The following UGT2A1 variants were observed in gnomAD, a reference collection of about 807,000 sequenced individuals.
UGT2A1 encodes the protein UDP glucuronosyltransferase family 2 member A1 complex locus.
In UGT2A1, 61 loss-of-function variants were observed where a neutral mutation model predicts 45.4. The ratio of observed to expected loss-of-function variants is 1.34; its 90% CI spans 1.09 to 1.66. The LOEUF (loss-of-function observed/expected upper bound fraction) is 1.66, where lower values mean the gene tolerates loss of function less well. UGT2A1 is among the 40% of genes most tolerant of loss of function. UGT2A1 has a pLI of 0.00. For missense variants in UGT2A1, 649 were observed against 574.3 expected (o/e 1.13, Z -1.33); for synonymous variants, 229 against 196.2 (o/e 1.17, Z -1.40).
At chr4:69,635,847 A>AAAAAAAT (rs1351077445) in intron 2 of UGT2A1, 25 bp from the exon 3 acceptor site, 1 of 136,890 alleles carries the variant, frequency 7.3e-6, no homozygotes, top group South Asian at 1.9e-4. Flanking sequence ...AAAAAAAAAA[A>AAAAAAAT]AAAGAGAGAG....
intron 3 of UGT2A1, 108 bp from the exon 4 acceptor site, chr4:69,599,502 T>G: frequency 6.7e-7 from 1 of 1,487,026 alleles, no homozygotes; most frequent in Non-Finnish European, 9.0e-7. Flanking sequence ...AAAAACTGAA[T>G]TAGGTCTTCT....
At chr4:69,591,684 G>T (rs1264041684) in intron 6 of UGT2A1, among the ~76,000 whole-genome samples, 1 of 152,086 alleles carries the variant, frequency 6.6e-6, no homozygotes, top group Non-Finnish European at 1.5e-5. Flanking sequence ...AGTCCATTTG[G>T]ATGGTTGGGT....
chr4:69,640,348 G>A (rs184152477), intron 2 of UGT2A1, among the ~76,000 whole-genome samples: 3 of 152,044 alleles, frequency 2.0e-5, no homozygotes, highest in Admixed American at 1.3e-4. Flanking sequence ...AATAGTATCT[G>A]TAAAGCTACT....
At chr4:69,623,828 G>A (rs948269729) in intron 3 of UGT2A1, among the ~76,000 whole-genome samples, 2 of 151,366 alleles carry the variant, frequency 1.3e-5, no homozygotes, top group Non-Finnish European at 3.0e-5. Context: ...AGATTCATTT[G>A]AAAGTAAATT....
chr4:69,591,031 G>T (rs1718568174), intron 6 of UGT2A1, among the ~76,000 whole-genome samples: 1 of 151,944 alleles, frequency 6.6e-6, no homozygotes. Context: ...TTTGGTTTAG[G>T]GTTAAAGTGA....
chr4:69,606,039 T>C (rs1287055436), intron 3 of UGT2A1, among the ~76,000 whole-genome samples: 1 of 136,080 alleles, frequency 7.3e-6, no homozygotes, highest in Non-Finnish European at 1.6e-5. Flanking sequence ...TTCCAAGCAA[T>C]AGAAAAAGAG....
At chr4:69,642,882 A>G (rs1171753473) in intron 2 of UGT2A1, among the ~76,000 whole-genome samples, 2 of 151,638 alleles carry the variant, frequency 1.3e-5, no homozygotes, top group East Asian at 1.9e-4. Flanking sequence ...CTTATGGATT[A>G]TAAGTATTTT....
chr4:69,642,878 G>C (rs1722106164), intron 2 of UGT2A1, among the ~76,000 whole-genome samples: 1 of 151,302 alleles, frequency 6.6e-6, no homozygotes. Context: ...AATGCTTATG[G>C]ATTATAAGTA....
In UGT2A1 at chr4:69,647,600, T is replaced by G; in HGVS notation, c.45A>C (p.Ile15=). Reference sequence around the variant, plus strand: ...AAACATTCCCACCAAGAGTGGTTCCTATGAGACTTATCTGAAGGGAGAACA... The same window carrying G: ...AAACATTCCCACCAAGAGTGGTTCCGATGAGACTTATCTGAAGGGAGAACA... The part of the protein sequence containing the change: ...LLLFSLQISL[I]GTTLGGNVLI... The change falls in exon 2 of 7, where the codon ATA becomes ATC. Residue 15 remains isoleucine (I), a synonymous_variant. Coordinates refer to ENST00000286604, the MANE Select transcript of UGT2A1 (RefSeq NM_001252275.3). The G allele has an allele frequency of 6.2e-7, 1 of 1,605,038 alleles. No homozygotes were observed. The highest frequency in any genetic ancestry group is 8.5e-7 in the Non-Finnish European group (1 of 1,175,928).
chr4:69,593,649 T>A (rs565438312), intron 6 of UGT2A1, among the ~76,000 whole-genome samples: 15 of 151,720 alleles, frequency 9.9e-5, no homozygotes, highest in African/African-American at 3.6e-4. Context: ...GATAAAATTA[T>A]ACTTAAATTT....
chr4:69,632,472 C>A (rs1002051954), intron 3 of UGT2A1, among the ~76,000 whole-genome samples: 3 of 152,076 alleles, frequency 2.0e-5, no homozygotes, highest in African/African-American at 7.2e-5. Context: ...TCATTTAGGC[C>A]AAAAGAGCAT....
At chr4:69,650,887 T>C (rs575287662) in intron 1 of UGT2A1, among the ~76,000 whole-genome samples, 10 of 152,146 alleles carry the variant, frequency 6.6e-5, no homozygotes, top group South Asian at 2.1e-4. Flanking sequence ...AAAGTCTTCA[T>C]GAAAGGTATG....
At chr4:69,614,695 AG>A (rs1207658500) in intron 3 of UGT2A1, among the ~76,000 whole-genome samples, 2 of 152,098 alleles carry the variant, frequency 1.3e-5, no homozygotes, top group Admixed American at 1.3e-4. Context: ...CTTTCAACAA[AG>A]CTGCCAAATA....
intron 6 of UGT2A1, among the ~76,000 whole-genome samples, chr4:69,593,852 T>C (rs1469369668): frequency 6.6e-6 from 1 of 151,876 alleles, no homozygotes; most frequent in Non-Finnish European, 1.5e-5. Context: ...TAGTTTATAA[T>C]ATGTACATAC....
At chr4:69,623,771 A>G (rs1577982127) in intron 3 of UGT2A1, among the ~76,000 whole-genome samples, 1 of 151,600 alleles carries the variant, frequency 6.6e-6, no homozygotes, top group South Asian at 2.1e-4. Context: ...ATTTAAATAA[A>G]ACCTTTGAGA....
chr4:69,651,439 C>T (rs1207912736), intron 1 of UGT2A1, among the ~76,000 whole-genome samples: 1 of 152,052 alleles, frequency 6.6e-6, no homozygotes, highest in African/African-American at 2.4e-5. Flanking sequence ...AATATGATTA[C>T]TATATTTGTG....
At chr4:69,640,232 T>A (rs1445565533) in intron 2 of UGT2A1, among the ~76,000 whole-genome samples, 1 of 151,964 alleles carries the variant, frequency 6.6e-6, no homozygotes, top group Non-Finnish European at 1.5e-5. Flanking sequence ...TGTCCTTTTA[T>A]AAGATTTCTG....
chr4:69,646,977 A>C lies in UGT2A1; in HGVS notation c.668T>G (p.Phe223Cys). ...FISYHLQDYM[F>C]ETLWKSWDSY... The stretch of plus-strand genomic sequence containing the variant: ...ATCCCATGATTTCCAAAGAGTTTCA[A>C]ACATGTAGTCCTGTAGGTGGTAGGA... The change falls in exon 2 of 7, where the codon TTT becomes TGT. Residue 223 changes from phenylalanine to cysteine, a missense_variant. Physicochemically the swap from Phe to Cys is radical, Grantham distance 205 (BLOSUM62 -2). Transcript: ENST00000286604. 2 of 1,606,230 alleles carry C rather than the reference A, an allele frequency of 1.2e-6. No homozygotes were observed. Among genetic ancestry groups the C allele is most frequent in the Non-Finnish European group, 8.5e-7 (1 of 1,176,980 alleles).
At chr4:69,646,776 G>A (rs1722278702) in intron 2 of UGT2A1, among the ~76,000 whole-genome samples, 154 bp downstream of exon 2, 1 of 151,728 alleles carries the variant, frequency 6.6e-6, no homozygotes, top group Non-Finnish European at 1.5e-5. Flanking sequence ...GAAGTACAAT[G>A]TCTTTTATCT....
Sources: allele counts gnomAD v4.1 joint callset (sites outside exome capture counted in the v4.1 genomes callset), GRCh38; gene constraint gnomAD v4.1.1; transcripts MANE v1.5; gene names NCBI Gene and HGNC (gene_info 2026-07-23, HGNC 2026-07-21).